Variants in RBFOX1 observed in about 807,000 individuals in gnomAD.
RBFOX1 encodes RNA binding protein fox-1 homolog 1.
Under a neutral mutation model 57.7 loss-of-function variants are expected in RBFOX1, and 8 were observed. The observed-to-expected ratio is 0.14, with a 90% CI of 0.08 to 0.25. The LOEUF (loss-of-function observed/expected upper bound fraction) is 0.25. Among genes scored for constraint, RBFOX1 ranks in the 10% least tolerant of loss-of-function variants. RBFOX1 has a pLI of 1.00. For synonymous variants in RBFOX1, 326 were observed against 222.4 expected (o/e 1.47, Z -4.15); for missense variants, 611 against 548.5 (o/e 1.11, Z -1.14).
chr16:5,420,122 T>G (rs1041314106), intron 1 of RBFOX1, among the ~76,000 whole-genome samples: 2 of 152,178 alleles, frequency 1.3e-5, no homozygotes, highest in African/African-American at 4.8e-5. Flanking sequence ...TAATTTGTTA[T>G]ACAGTGACGG....
chr16:5,706,860 T>A (rs576445557), intron 3 of RBFOX1, among the ~76,000 whole-genome samples: 24 of 151,970 alleles, frequency 1.6e-4, no homozygotes, highest in Non-Finnish European at 3.2e-4. Context: ...TTTTTTGGTG[T>A]AGGAGGATAC....
chr16:7,162,401 A>G lies in RBFOX1; in HGVS notation c.27+110303A>G, dbSNP rs150963199. ...CTATAAATATAATTTAGCAAATTTT[A>G]TGATGCTCCATTGTGCAGGTTCTAA... On this transcript the variant is annotated intron_variant, in intron 4 of 15. Coordinates refer to ENST00000550418, the MANE Select transcript of RBFOX1 (RefSeq NM_018723.4). 3.9e-5 allele frequency among the ~76,000 whole-genome samples: 6 copies of G among 152,154 alleles called. No homozygotes were observed. The East Asian group carries it at 1.2e-3, about 29-fold the overall frequency.
chr16:6,606,610 T>C (rs1231434890), intron 2 of RBFOX1, among the ~76,000 whole-genome samples: 1 of 152,160 alleles, frequency 6.6e-6, no homozygotes, highest in Admixed American at 6.5e-5. Flanking sequence ...AGTGAGAACA[T>C]GTGGTGTTTG....
intron 4 of RBFOX1, among the ~76,000 whole-genome samples, chr16:7,151,087 C>T (rs1486464622): frequency 6.6e-6 from 1 of 152,118 alleles, no homozygotes; most frequent in Non-Finnish European, 1.5e-5. Context: ...TAAGTGTATT[C>T]TACTTTCAGG....
chr16:5,566,790 A>G (rs1277325236), intron 2 of RBFOX1, among the ~76,000 whole-genome samples: 1 of 152,082 alleles, frequency 6.6e-6, no homozygotes, highest in Non-Finnish European at 1.5e-5. Context: ...TACATTCACA[A>G]ATGAGCCACG....
chr16:7,369,526 A>G (rs894398241), intron 4 of RBFOX1, among the ~76,000 whole-genome samples: 5 of 152,158 alleles, frequency 3.3e-5, no homozygotes, highest in African/African-American at 1.2e-4. Flanking sequence ...TACTCTTTAC[A>G]TGGTTCTAGC....
At chr16:6,850,073 C>T (rs8061084) in intron 3 of RBFOX1, among the ~76,000 whole-genome samples, 49,197 of 151,894 alleles carry the variant, frequency 0.32, 8,333 homozygotes, top group Admixed American at 0.43. Flanking sequence ...CCTTCTTAAC[C>T]GAGTCGATTG....
intron 1 of RBFOX1, among the ~76,000 whole-genome samples, chr16:6,282,579 C>G (rs191464737): frequency 6.6e-6 from 1 of 152,076 alleles, no homozygotes; most frequent in Admixed American, 6.5e-5. Context: ...ATATTCCCCT[C>G]CCTGTGTCCG....
chr16:7,297,138 C>G (rs964759888), intron 4 of RBFOX1, among the ~76,000 whole-genome samples: 9 of 152,174 alleles, frequency 5.9e-5, no homozygotes, highest in Non-Finnish European at 5.9e-5. Flanking sequence ...CCTGAGCTTT[C>G]TCTTCATTGT....
chr16:7,270,606 T>A (rs1340780164), intron 4 of RBFOX1, among the ~76,000 whole-genome samples: 1 of 152,108 alleles, frequency 6.6e-6, no homozygotes, highest in East Asian at 1.9e-4. Context: ...TAAAAGAAAA[T>A]AGGTCTTAAA....
At chr16:6,706,099 C>T (rs777429232) in intron 3 of RBFOX1, among the ~76,000 whole-genome samples, 5 of 152,198 alleles carry the variant, frequency 3.3e-5, no homozygotes, top group Non-Finnish European at 5.9e-5. Context: ...AACCCGGATG[C>T]TTAGCCCCAG....
intron 3 of RBFOX1, among the ~76,000 whole-genome samples, chr16:6,972,069 GAT>G (rs1290320803): frequency 1.3e-5 from 2 of 152,164 alleles, no homozygotes; most frequent in African/African-American, 4.8e-5. Context: ...TTAACAAAGA[GAT>G]ATATTACAGC....
chr16:5,930,202 AATGG>A (rs56153541), intron 4 of RBFOX1, among the ~76,000 whole-genome samples: 7,671 of 111,894 alleles, frequency 0.069, 343 homozygotes, highest in Non-Finnish European at 0.077. Context: ...AAGAAAGAAG[AATGG>A]ATGGATGGAT....
chr16:7,221,514 G>T (rs376452377), intron 4 of RBFOX1, among the ~76,000 whole-genome samples: 1 of 151,836 alleles, frequency 6.6e-6, no homozygotes, highest in Non-Finnish European at 1.5e-5. Context: ...TTACAGGTGC[G>T]TGCCATCACA....
intron 3 of RBFOX1, among the ~76,000 whole-genome samples, chr16:5,788,164 T>G (rs2054571241): frequency 6.6e-6 from 1 of 152,192 alleles, no homozygotes; most frequent in African/African-American, 2.4e-5. Flanking sequence ...TGCTGGAGGT[T>G]GCTCCCAGGA....
At chr16:7,489,631 T>C (rs1810318623) in intron 4 of RBFOX1, among the ~76,000 whole-genome samples, 2 of 152,030 alleles carry the variant, frequency 1.3e-5, no homozygotes, top group African/African-American at 4.8e-5. Flanking sequence ...TCCTCCAACG[T>C]CAGTCTCCCG....
chr16:7,331,066 G>A (rs915328636), intron 4 of RBFOX1, among the ~76,000 whole-genome samples: 19 of 152,262 alleles, frequency 1.2e-4, no homozygotes, highest in African/African-American at 4.3e-4. Context: ...ACCTTGTCAA[G>A]ATGGCCAAAA....
exon 3 of RBFOX1, chr16:5,599,564 C>G (rs915093292): frequency 3.5e-6 from 1 of 287,022 alleles, no homozygotes; most frequent in African/African-American, 2.2e-5. Flanking sequence ...GGTGCATTCC[C>G]CAAGTGTGAC....
chr16:5,856,575 G>GTGCATATATATATATATATATATA lies in RBFOX1; in HGVS notation c.319-10727_319-10726insGCATATATATATATATATATATAT, dbSNP rs1192496608. Among the ~76,000 whole-genome samples, 27 of 32,922 alleles carry GTGCATATATATATATATATATATA rather than the reference G, an allele frequency of 8.2e-4. 1 individual carries two copies. Among genetic ancestry groups the GTGCATATATATATATATATATATA allele is most frequent in the South Asian group, 1.5e-3 (1 of 682 alleles). 21.6% of individuals were successfully genotyped at this position (32,922 alleles called of 152,430 possible). A position where few individuals can be genotyped will look rare whatever the true frequency, so the allele number is the denominator to read the frequency against. ...TGTGTGTGTGTGTATGTGTGTGTGT[G>GTGCATATATATATATATATATATA]TATATATATATATATATATATATAT... is the stretch of plus-strand genomic sequence containing the variant. On this transcript the variant is annotated intron_variant, in intron 3 of 19. Coordinates refer to the RBFOX1 transcript ENST00000641259.
Sources: allele counts gnomAD v4.1 joint callset (sites outside exome capture counted in the v4.1 genomes callset), GRCh38; gene constraint gnomAD v4.1.1; transcripts MANE v1.5; gene names NCBI Gene and HGNC (gene_info 2026-07-23, HGNC 2026-07-21).